Variants in PLEKHG4B observed in about 807,000 individuals in gnomAD.
PLEKHG4B encodes pleckstrin homology domain-containing family G member 4B.
PLEKHG4B carries 111 observed loss-of-function variants against 121.3 expected under a neutral mutation model. The observed-to-expected ratio is 0.92, with a 90% CI of 0.78 to 1.07. The LOEUF (loss-of-function observed/expected upper bound fraction) is 1.07, where lower values mean the gene tolerates loss of function less well. Among genes scored for constraint, PLEKHG4B ranks in the 50% least tolerant of loss-of-function variants. PLEKHG4B has a pLI of 0.00. For missense variants in PLEKHG4B, 1,831 were observed against 1,757.8 expected, an observed-to-expected ratio of 1.04 and a Z score of -0.74; for synonymous variants, 738 against 725.0, an observed-to-expected ratio of 1.02 and a Z score of -0.29.
chr5:161,897 G>A lies in PLEKHG4B; in HGVS notation c.2602G>A (p.Glu868Lys). The change falls in exon 12 of 20, where the codon GAG (glutamate) becomes AAG (lysine). Residue 868 changes from glutamate to lysine, a missense_variant. Physicochemically the swap from Glu to Lys is moderately conservative, Grantham distance 56. Coordinates refer to ENST00000637938, the MANE Select transcript of PLEKHG4B (RefSeq NM_052909.5). ...CGTGGTCAGCCAGGCTGAGTGCAGGGAGGGAGAGCTGGCCAGGTGGACCCG... is the reference window on the plus strand; with the variant it reads ...CGTGGTCAGCCAGGCTGAGTGCAGGAAGGGAGAGCTGGCCAGGTGGACCCG... ...SAVVSQAECREGELARWTRSS... is the reference protein window; with the variant it reads ...SAVVSQAECRKGELARWTRSS... 1 of 1,613,620 alleles carries A rather than the reference G, an allele frequency of 6.2e-7. No individual in the cohort carries two copies. Among genetic ancestry groups the A allele is most frequent in the Non-Finnish European group, 8.5e-7 (1 of 1,180,010 alleles).
Position 143,189 on chromosome 5 carries a change from C to G in PLEKHG4B, c.1620C>G (p.Ser540Arg). 1 of 1,611,684 alleles carries G rather than the reference C, an allele frequency of 6.2e-7. No homozygotes were observed. Among genetic ancestry groups the G allele is most frequent in the African/African-American group, 1.3e-5 (1 of 75,050 alleles). The change falls in exon 4 of 20, where the codon AGC (serine) becomes AGG (arginine). Residue 540 changes from serine to arginine, a missense_variant. Ser to Arg is a moderately radical substitution (Grantham distance 110, BLOSUM62 -1). Coordinates refer to ENST00000637938, the MANE Select transcript of PLEKHG4B (RefSeq NM_052909.5). The stretch of plus-strand genomic sequence containing the variant: ...CACCCGGCACAGGAGACTTCCCCAG[C>G]CAGGTGCCCAAGCAGGTGCTGGACG... ...GWPPGTGDFP[S>R]QVPKQVLDVS... is the part of the protein sequence containing the mutation.
chr5:135,704 T>TATATATAC (rs1560918262), intron 2 of PLEKHG4B, among the ~76,000 whole-genome samples: 3 of 91,438 alleles, frequency 3.3e-5, no homozygotes, highest in African/African-American at 1.7e-4. Context: ...TATATATATA[T>TATATATAC]ATATATATAT....
chr5:176,614 A>C (rs920816726), intron 18 of PLEKHG4B, among the ~76,000 whole-genome samples: 3 of 152,210 alleles, frequency 2.0e-5, no homozygotes, highest in Admixed American at 2.0e-4. Flanking sequence ...GATTGCTTTA[A>C]CATTCTGTGA....
At chr5:173,237 T>C (rs1736630839) in intron 17 of PLEKHG4B, among the ~76,000 whole-genome samples, 170 bp downstream of exon 17, 1 of 152,184 alleles carries the variant, frequency 6.6e-6, no homozygotes, top group Non-Finnish European at 1.5e-5. Flanking sequence ...TTGAAAACGT[T>C]AGCCTTCCAA....
chr5:145,024 T>G (rs538197398), intron 6 of PLEKHG4B, 104 bp downstream of exon 6: 9 of 1,074,716 alleles, frequency 8.4e-6, no homozygotes, highest in Non-Finnish European at 1.2e-5. Flanking sequence ...TCCACAGGCT[T>G]AGTGTGAAGA....
Position 173,023 on chromosome 5 carries a change from G to A in PLEKHG4B, c.4177G>A (p.Val1393Met), listed in dbSNP as rs761050181. ...CATCCTGTTTAGCAAGACCCAGAAG[G>A]TGGAGGGCAGCCACGACGTCTACCT... ...DLILFSKTQK[V>M]EGSHDVYLYK... The change falls in exon 17 of 20, where the codon GTG becomes ATG. Residue 1393 changes from valine (V) to methionine (M), a missense_variant. Transcript: ENST00000637938. 3 of 1,614,136 alleles carry A rather than the reference G, an allele frequency of 1.9e-6. No individual in the cohort carries two copies. The highest frequency in any genetic ancestry group is 2.2e-5 in the East Asian group (1 of 44,876).
intron 6 of PLEKHG4B, among the ~76,000 whole-genome samples, chr5:149,865 C>T (rs1019544538): frequency 6.6e-6 from 1 of 152,128 alleles, no homozygotes; most frequent in African/African-American, 2.4e-5. Flanking sequence ...TGTAAAAAAA[C>T]AACAAGTGTT....
At position 135,703 on chromosome 5, in the gene PLEKHG4B, ATATATATATATATATATATATATATG is replaced by A. The variant is rs1280981935; in HGVS notation, c.244-3776_244-3751del. Among the ~76,000 whole-genome samples, 57 of 90,014 alleles carry A rather than the reference ATATATATATATATATATATATATATG, an allele frequency of 6.3e-4. 1 individual carries two copies. Among genetic ancestry groups the A allele is most frequent in the African/African-American group, 2.7e-3 (54 of 19,658 alleles). The allele number at this position is 90,014 out of a possible 152,430, so 59.1% of individuals were successfully genotyped here. ...AAAAAATATATATATATATATATATATATATATATATATATATATATATATGTATGTCAGTACTACCCAAAGTGATC... is the reference window on the plus strand; with the variant it reads ...AAAAAATATATATATATATATATATATATGTCAGTACTACCCAAAGTGATC... On this transcript the variant is annotated intron_variant, in intron 2 of 19. Coordinates refer to ENST00000637938, the MANE Select transcript of PLEKHG4B (RefSeq NM_052909.5).
rs997979579 is a variant in PLEKHG4B, at chr5:169,155, C to T, written c.3477-185C>T. The T allele has an allele frequency of 3.9e-5, 28 of 722,118 alleles. No homozygotes were observed. The Admixed American group carries it at 5.0e-4, about 13-fold the overall frequency. 44.7% of individuals were successfully genotyped at this position (722,118 alleles called of 1,614,324 possible). ...TCCCAAAGTCCTGGGATTACAGGCA[C>T]GAGCCCCCACGCCTGGCCGGAAGCT... On this transcript the variant is annotated intron_variant, in intron 13 of 19. Transcript: ENST00000637938.
At chr5:114,132 C>T (rs1365937236) in intron 2 of PLEKHG4B, among the ~76,000 whole-genome samples, 4 of 152,134 alleles carry the variant, frequency 2.6e-5, no homozygotes, top group Non-Finnish European at 5.9e-5. Flanking sequence ...GTCATAATCT[C>T]TTTATTGGTG....
Position 139,337 on chromosome 5 carries a change from A to G in PLEKHG4B, c.244-146A>G. 1 of 397,870 alleles carries G rather than the reference A, an allele frequency of 2.5e-6. No homozygotes were observed. The highest frequency in any genetic ancestry group is 4.4e-6 in the Non-Finnish European group (1 of 226,152). 24.6% of individuals were successfully genotyped at this position (397,870 alleles called of 1,614,324 possible). The stretch of plus-strand genomic sequence containing the variant: ...TCCTAATGACCTGCTTTATGTTCCA[A>G]GGAACAGGACACCCCAGCCCCCGTG... On this transcript the variant is annotated intron_variant, in intron 2 of 19. Coordinates refer to ENST00000637938, the MANE Select transcript of PLEKHG4B (RefSeq NM_052909.5). The surrounding 1 kb of genome is among the most constrained non-coding windows in gnomAD (Gnocchi z 5.0).
In PLEKHG4B at chr5:159,657, C is replaced by T. The variant is rs1735927047; in HGVS notation, c.2488-2126C>T. Among the ~76,000 whole-genome samples, 1 of 152,184 alleles carries T rather than the reference C, an allele frequency of 6.6e-6. No homozygotes were observed. The highest frequency in any genetic ancestry group is 1.5e-5 in the Non-Finnish European group (1 of 68,038). On this transcript the variant is annotated intron_variant, in intron 11 of 19. Transcript: ENST00000637938. The surrounding 1 kb of genome is among the most constrained non-coding windows in gnomAD (Gnocchi z 5.5). ...CTGGCGCCAGAGGCTTTCCTGGCGA[C>T]CCCTGGCTAGGAAGCCTGTGGCCCA...
At chr5:165,013 GTAATGCTCTGACAGGGCGGAGCTCACAC>G (rs1736254012) in intron 13 of PLEKHG4B, among the ~76,000 whole-genome samples, 8 of 46,986 alleles carry the variant, frequency 1.7e-4, no homozygotes, top group Non-Finnish European at 1.9e-4. Context: ...AGGGCTCACA[GTAATGCTCTGACAGGGCGGAGCTCACAC>G]TAATGCTCTG....
In PLEKHG4B at chr5:188,265, T is replaced by C. The variant is rs6887262; in HGVS notation, c.*5942T>C. ...GTCACCCACGTGGGGGCTTTGTTAC[T>C]CATGCTTCCCAGACTGCGTGCTGTG... On this transcript the variant is annotated 3_prime_UTR_variant, in exon 20 of 20. Transcript: ENST00000637938. 0.091 allele frequency: 13,910 copies of C among 152,442 alleles called. 2,033 individuals carry two copies. Among genetic ancestry groups the C allele is most frequent in the African/African-American group, 0.31 (12,715 of 41,506 alleles). The allele number at this position is 152,442 out of a possible 1,614,324, so 9.4% of individuals were successfully genotyped here.
chr5:173,209 C>T (rs1338917732), intron 17 of PLEKHG4B, 142 bp downstream of exon 17: 16 of 804,446 alleles, frequency 2.0e-5, no homozygotes, highest in African/African-American at 8.7e-5. Context: ...TTGTTTTCTG[C>T]GGTTCTTGGG....
intron 18 of PLEKHG4B, among the ~76,000 whole-genome samples, chr5:175,379 C>T (rs994710058): frequency 2.0e-5 from 3 of 152,094 alleles, no homozygotes; most frequent in African/African-American, 7.2e-5. Context: ...CTGGCGGCTG[C>T]GAACACCACC....
At chr5:115,815 A>C (rs1435644854) in intron 2 of PLEKHG4B, among the ~76,000 whole-genome samples, 1 of 152,222 alleles carries the variant, frequency 6.6e-6, no homozygotes, top group African/African-American at 2.4e-5. Context: ...TAGGGGCTTC[A>C]TCTGGGTTAG....
Position 135,871 on chromosome 5 carries a change from G to A in PLEKHG4B, c.244-3612G>A, listed in dbSNP as rs375685107. Among the ~76,000 whole-genome samples the A allele has an allele frequency of 2.7e-5, 4 of 150,906 alleles. No homozygotes were observed. The East Asian group carries it at 7.8e-4, about 29-fold the overall frequency. On this transcript the variant is annotated intron_variant, in intron 2 of 19. Coordinates refer to ENST00000637938, the MANE Select transcript of PLEKHG4B (RefSeq NM_052909.5). ...ACCCCCAAATAGCCAAAACAATCTT[G>A]AAGAAGAGCTAAAAAGTTGGAGGAC...
At chr5:93,018 C>G (rs1317755603) in intron 1 of PLEKHG4B, among the ~76,000 whole-genome samples, 1 of 152,078 alleles carries the variant, frequency 6.6e-6, no homozygotes, top group East Asian at 1.9e-4. Context: ...TTCCCTGTTT[C>G]GTGTGAAACT....
Sources: allele counts gnomAD v4.1 joint callset (sites outside exome capture counted in the v4.1 genomes callset), GRCh38; gene constraint gnomAD v4.1.1; non-coding constraint Gnocchi (gnomAD v3.1); transcripts MANE v1.5; gene names NCBI Gene and HGNC (gene_info 2026-07-23, HGNC 2026-07-21).